Variants in BCL7C observed in about 807,000 individuals in gnomAD.
BCL7C encodes the protein BAF chromatin remodeling complex subunit BCL7C.
In BCL7C, 8 loss-of-function variants were observed where a neutral mutation model predicts 26.2. The observed-to-expected ratio is 0.30, with a 90% CI of 0.18 to 0.55. BCL7C has a LOEUF of 0.55. Among genes scored for constraint, BCL7C ranks in the 20% least tolerant of loss-of-function variants. The probability of loss-of-function intolerance (pLI) is 0.93; values close to 1 mark genes in which losing one functional copy is unlikely to be tolerated. For missense variants in BCL7C, 262 were observed against 298.5 expected, an observed-to-expected ratio of 0.88 and a Z score of 0.90; for synonymous variants, 90 against 116.5, an observed-to-expected ratio of 0.77 and a Z score of 1.47.
Position 30,887,951 on chromosome 16 carries a change from C to T in BCL7C, c.568G>A (p.Val190Ile). The stretch of plus-strand genomic sequence containing the variant: ...GTGTCACCCTGGGCTGCCTCAGGGA[C>T]AGGTGGCACTGGCTCAAAGACAGGG... Reference protein sequence around the residue: ...AYPVFEPVPPVPEAAQGDTED... With the variant: ...AYPVFEPVPPIPEAAQGDTED... The change falls in exon 6 of 6, where the codon GTC (valine) becomes ATC (isoleucine). Residue 190 changes from valine (V) to isoleucine (I), a missense_variant. By Grantham distance (29) the Val-to-Ile change is conservative. Coordinates refer to ENST00000215115, the MANE Select transcript of BCL7C (RefSeq NM_004765.4). The T allele has an allele frequency of 1.2e-6, 2 of 1,606,602 alleles. No homozygotes were observed. Among genetic ancestry groups the T allele is most frequent in the South Asian group, 2.2e-5 (2 of 89,820 alleles).
intron 5 of BCL7C, among the ~76,000 whole-genome samples, chr16:30,856,921 G>T (rs77533510): frequency 0.011 from 1,673 of 152,272 alleles, 34 homozygotes; most frequent in African/African-American, 0.038. Context: ...ATATGGCATG[G>T]TTTTCTTTCC....
chr16:30,872,500 G>A (rs2054890405), intron 5 of BCL7C, among the ~76,000 whole-genome samples: 1 of 152,218 alleles, frequency 6.6e-6, no homozygotes, highest in African/African-American at 2.4e-5. Context: ...TCTCCAGGCA[G>A]GCAGCACTTC....
intron 5 of BCL7C, among the ~76,000 whole-genome samples, chr16:30,881,327 C>T (rs1168177366): frequency 6.6e-6 from 1 of 151,246 alleles, no homozygotes; most frequent in Non-Finnish European, 1.5e-5. Flanking sequence ...ACCCAGGGGG[C>T]AGTGGTTGCA....
At chr16:30,859,630 CT>C (rs1482979033) in intron 5 of BCL7C, among the ~76,000 whole-genome samples, 6 of 149,512 alleles carry the variant, frequency 4.0e-5, no homozygotes, top group Non-Finnish European at 6.0e-5. Context: ...ATTCTCCCCC[CT>C]CCCCACCTTT....
chr16:30,887,476 CAAAAAAAAAAAAA>C (rs397854743), downstream of BCL7C, among the ~76,000 whole-genome samples: 3 of 75,778 alleles, frequency 4.0e-5, no homozygotes, highest in Non-Finnish European at 7.4e-5. Flanking sequence ...GTCTGTGTCT[CAAAAAAAAAAAAA>C]AAAAAAAAAG....
In BCL7C at chr16:30,873,935, A is replaced by AT. The variant is rs1236344150; in HGVS notation, c.528+14924dup. 7.1e-4 allele frequency among the ~76,000 whole-genome samples: 60 copies of AT among 84,466 alleles called. No homozygotes were observed. In the Admixed American group the frequency reaches 9.3e-3, roughly 13 times the overall value. 55.4% of individuals were successfully genotyped at this position (84,466 alleles called of 152,430 possible). On this transcript the variant is annotated intron_variant, in intron 5 of 5. Coordinates refer to the BCL7C transcript ENST00000380317. ...TTTTTCCTCCTCTCTCTATATACAT[A>AT]TATATATAGATATATGTATACACAC...
Position 30,862,621 on chromosome 16 carries a change from A to C in BCL7C, c.528+26239T>G, listed in dbSNP as rs138804418. On this transcript the variant is annotated intron_variant, in intron 5 of 5. Transcript: ENST00000380317. ...TCTCGTATCCCCCTCCAAAGCCCAA[A>C]TTTCTTCCTCATTCATTATCTATCT... is the stretch of plus-strand genomic sequence containing the variant. Among the ~76,000 whole-genome samples the C allele has an allele frequency of 4.6e-4, 70 of 151,604 alleles. 6 individuals are homozygous for C. Among genetic ancestry groups the C allele is most frequent in the African/African-American group, 1.6e-3 (66 of 41,312 alleles).
intron 5 of BCL7C, among the ~76,000 whole-genome samples, chr16:30,880,131 A>C (rs1232007096): frequency 8.6e-5 from 13 of 151,978 alleles, no homozygotes; most frequent in Admixed American, 6.6e-4. Context: ...ACAAAAAAAA[A>C]CACTTTACCC....
intron 5 of BCL7C, among the ~76,000 whole-genome samples, chr16:30,879,694 A>AAAAAAAAAAAAAAAAAAAAAAAAAAAC (rs2055010475): frequency 7.1e-6 from 1 of 140,740 alleles, no homozygotes; most frequent in Non-Finnish European, 1.5e-5. Context: ...CTCTACAAAA[A>AAAAAAAAAAAAAAAAAAAAAAAAAAAC]AAAAAAAAAA....
At chr16:30,878,717 C>T (rs1186848592) in intron 5 of BCL7C, among the ~76,000 whole-genome samples, 1 of 151,416 alleles carries the variant, frequency 6.6e-6, no homozygotes, top group African/African-American at 2.4e-5. Context: ...GTGGCACGCA[C>T]CTGTAATCCC....
chr16:30,836,707 C>G (rs531143605), intron 5 of BCL7C, among the ~76,000 whole-genome samples: 1 of 151,930 alleles, frequency 6.6e-6, no homozygotes, highest in South Asian at 2.1e-4. Context: ...AATTTCTGGG[C>G]TCAAGTAATT....
chr16:30,871,751 C>T (rs573291906), intron 5 of BCL7C, among the ~76,000 whole-genome samples: 1 of 152,238 alleles, frequency 6.6e-6, no homozygotes, highest in South Asian at 2.1e-4. Context: ...TCCCAAAGTG[C>T]TGGGATTACA....
At chr16:30,889,943 A>AT (rs1183092257) in intron 4 of BCL7C, among the ~76,000 whole-genome samples, 2 of 150,934 alleles carry the variant, frequency 1.3e-5, no homozygotes, top group Non-Finnish European at 3.0e-5. Context: ...AAAAAAAAAA[A>AT]GCAAAGCTTA....
intron 5 of BCL7C, among the ~76,000 whole-genome samples, chr16:30,869,267 G>T (rs1487035269): frequency 6.6e-6 from 1 of 152,032 alleles, no homozygotes; most frequent in Admixed American, 6.6e-5. Context: ...GGAGTTCAGT[G>T]GCACGATCAT....
intron 5 of BCL7C, among the ~76,000 whole-genome samples, chr16:30,847,379 A>T (rs1425976042): frequency 2.0e-5 from 3 of 152,044 alleles, no homozygotes; most frequent in Non-Finnish European, 4.4e-5. Flanking sequence ...GTCTGAAGAG[A>T]CTCACTTTCC....
At chr16:30,889,521 G>C (rs1020626084) in intron 4 of BCL7C, among the ~76,000 whole-genome samples, 1 of 151,996 alleles carries the variant, frequency 6.6e-6, no homozygotes, top group Admixed American at 6.6e-5. Flanking sequence ...ACAGAGTCTC[G>C]CTGTGTCCCC....
Position 30,879,689 on chromosome 16 carries a change from CAAAA to C in BCL7C, c.528+9167_528+9170del, listed in dbSNP as rs1187827463. On this transcript the variant is annotated intron_variant, in intron 5 of 5. Transcript: ENST00000380317. ...AACACAGAGAGACTCCCCTTCTCTA[CAAAA>C]AAAAAAAAAAAAAAAACTGGGCACG... 0.015 allele frequency among the ~76,000 whole-genome samples: 449 copies of C among 29,408 alleles called. 22 individuals are homozygous for C. In the South Asian group the frequency reaches 0.28, roughly 18 times the overall value. 19.3% of individuals were successfully genotyped at this position (29,408 alleles called of 152,430 possible).
intron 5 of BCL7C, among the ~76,000 whole-genome samples, chr16:30,845,206 T>C (rs2054626638): frequency 6.6e-6 from 1 of 152,224 alleles, no homozygotes; most frequent in Non-Finnish European, 1.5e-5. Context: ...CACTGAACTC[T>C]GGCAGAGCAC....
At chr16:30,856,485 T>C (rs2054723530) in intron 5 of BCL7C, among the ~76,000 whole-genome samples, 2 of 151,622 alleles carry the variant, frequency 1.3e-5, no homozygotes, top group Non-Finnish European at 2.9e-5. Context: ...AAAATTAGAT[T>C]CCCCTCCTCC....
Sources: gnomAD v4.1 joint callset for allele counts (sites outside exome capture counted in the v4.1 genomes callset) on GRCh38, gnomAD v4.1.1 for gene constraint, MANE v1.5 for transcripts, NCBI Gene and HGNC (gene_info 2026-07-23, HGNC 2026-07-21) for gene names.